KLHL14: variants seen among roughly 807,000 people sequenced by gnomAD.
KLHL14 encodes kelch-like protein 14.
In KLHL14, 22 loss-of-function variants were observed where a neutral mutation model predicts 64.3. That is an observed-to-expected ratio of 0.34 (90% CI 0.24 to 0.49). The LOEUF (loss-of-function observed/expected upper bound fraction) is 0.49, where lower values mean the gene tolerates loss of function less well. Among genes scored for constraint, KLHL14 ranks in the 20% least tolerant of loss-of-function variants. The probability of loss-of-function intolerance (pLI) is 0.99; values close to 1 mark genes in which losing one functional copy is unlikely to be tolerated. For missense variants in KLHL14, 661 were observed against 789.0 expected (o/e 0.84, Z 1.94); for synonymous variants, 322 against 333.4 (o/e 0.97, Z 0.37).
At chr18:32,697,293 A>C (rs7238067) in intron 3 of KLHL14, among the ~76,000 whole-genome samples, 3,465 of 152,298 alleles carry the variant, frequency 0.023, 132 homozygotes, top group African/African-American at 0.076. Context: ...TTTGGATCAT[A>C]ATGCTGGTTC....
chr18:32,720,111 G>A (rs1374370948), intron 3 of KLHL14, among the ~76,000 whole-genome samples: 1 of 152,236 alleles, frequency 6.6e-6, no homozygotes, highest in East Asian at 1.9e-4. Flanking sequence ...GGTGTCAGCA[G>A]GACATTTTAG....
intron 3 of KLHL14, among the ~76,000 whole-genome samples, chr18:32,736,232 T>A (rs79222108): frequency 0.013 from 1,904 of 152,268 alleles, 37 homozygotes; most frequent in African/African-American, 0.043. Context: ...CCACCACACA[T>A]ATTTTCTTAA....
At chr18:32,709,410 C>A (rs553726062) in intron 3 of KLHL14, among the ~76,000 whole-genome samples, 174 of 152,176 alleles carry the variant, frequency 1.1e-3, no homozygotes, top group African/African-American at 4.0e-3. Flanking sequence ...TGCTCCCTTA[C>A]CCTTCTTTTG....
intron 3 of KLHL14, among the ~76,000 whole-genome samples, chr18:32,731,849 G>C (rs1280412065): frequency 2.0e-5 from 3 of 152,074 alleles, no homozygotes; most frequent in African/African-American, 4.8e-5. Flanking sequence ...AAATATCTGA[G>C]GGAAATCAGA....
chr18:32,682,694 C>T (rs951887344), intron 5 of KLHL14, among the ~76,000 whole-genome samples: 1 of 152,174 alleles, frequency 6.6e-6, no homozygotes, highest in African/African-American at 2.4e-5. Context: ...TTTCCTCAAC[C>T]AGGCTTCAGT....
chr18:32,695,655 G>C (rs2049933207), intron 3 of KLHL14, 103 bp from the exon 4 acceptor site: 1 of 707,506 alleles, frequency 1.4e-6, no homozygotes, highest in African/African-American at 1.8e-5. Context: ...TAAAATGTGA[G>C]ACTGAGTCAG....
Position 32,769,706 on chromosome 18 carries a change from C to T in KLHL14, c.886G>A (p.Asp296Asn), listed in dbSNP as rs2050367254. 1 of 1,574,652 alleles carries T rather than the reference C, an allele frequency of 6.4e-7. No individual in the cohort carries two copies. Among genetic ancestry groups the T allele is most frequent in the Admixed American group, 1.7e-5 (1 of 57,792 alleles). The change falls in exon 2 of 9, where the codon GAC (aspartate) becomes AAC (asparagine). Residue 296 changes from aspartate (D) to asparagine (N), a missense_variant. Asp to Asn is a conservative substitution (Grantham distance 23, BLOSUM62 1). Around this residue, in one of 2 missense-constraint regions of KLHL14, gnomAD observed 330 missense variants for 450.0 expected, o/e 0.73. Coordinates refer to ENST00000359358, the MANE Select transcript of KLHL14 (RefSeq NM_020805.3). ...GGCATCAGGTGGTAGTTCATGGCGT[C>T]CAGCAGCAGCTTCTGGCAGACCGGG... ...TDPVCQKLLL[D>N]AMNYHLMPFR...
chr18:32,753,952 G>A (rs2050269276), intron 2 of KLHL14, among the ~76,000 whole-genome samples: 1 of 152,240 alleles, frequency 6.6e-6, no homozygotes, highest in Non-Finnish European at 1.5e-5. Context: ...ATCCCTGTGA[G>A]GAAGTTGCGT....
chr18:32,720,795 T>C (rs560464203), intron 3 of KLHL14, among the ~76,000 whole-genome samples: 1 of 152,254 alleles, frequency 6.6e-6, no homozygotes, highest in Admixed American at 6.5e-5. Flanking sequence ...ATGAAGGCCA[T>C]CTCACCAGTA....
intron 3 of KLHL14, among the ~76,000 whole-genome samples, chr18:32,720,206 A>C (rs7228647): frequency 0.29 from 44,772 of 152,040 alleles, 6,845 homozygotes; most frequent in African/African-American, 0.37. Flanking sequence ...GGCAGGTTTT[A>C]GGAGCCCTGC....
intron 2 of KLHL14, among the ~76,000 whole-genome samples, chr18:32,750,390 A>G (rs2050245366): frequency 6.6e-6 from 1 of 152,144 alleles, no homozygotes; most frequent in Non-Finnish European, 1.5e-5. Flanking sequence ...ATTATGTGTA[A>G]TTATTAACTT....
intron 8 of KLHL14, 25 bp from the exon 9 acceptor site, chr18:32,674,822 T>G: frequency 1.3e-6 from 1 of 776,110 alleles, no homozygotes; most frequent in South Asian, 1.3e-5. Context: ...GAGGGAGCAT[T>G]TAGAGAAGGA....
intron 7 of KLHL14, among the ~76,000 whole-genome samples, chr18:32,677,581 T>C (rs1255275107): frequency 6.6e-6 from 1 of 152,232 alleles, no homozygotes; most frequent in Non-Finnish European, 1.5e-5. Context: ...AGGTTGATTA[T>C]ATGTGGATAG....
chr18:32,736,458 A>C (rs557622782), intron 3 of KLHL14, among the ~76,000 whole-genome samples: 1 of 152,126 alleles, frequency 6.6e-6, no homozygotes, highest in Admixed American at 6.5e-5. Context: ...GAAACAAAAA[A>C]TTCCAAGCTA....
chr18:32,733,361 GAGAC>G (rs1369755583), intron 3 of KLHL14, among the ~76,000 whole-genome samples: 1 of 149,838 alleles, frequency 6.7e-6, no homozygotes, highest in Non-Finnish European at 1.5e-5. Flanking sequence ...GTGTGTGAGA[GAGAC>G]AGAGAGAGAG....
chr18:32,686,264 C>T (rs989202849), intron 5 of KLHL14, among the ~76,000 whole-genome samples: 36 of 144,012 alleles, frequency 2.5e-4, no homozygotes, highest in African/African-American at 7.8e-4. Flanking sequence ...CTCCTGGCTT[C>T]GTGATCCACC....
chr18:32,719,046 T>C (rs1048838607), intron 3 of KLHL14, among the ~76,000 whole-genome samples: 16 of 152,214 alleles, frequency 1.1e-4, no homozygotes, highest in Non-Finnish European at 1.9e-4. Flanking sequence ...CCTCCCGAGT[T>C]CAAGTGATTC....
chr18:32,727,806 T>C (rs1405048295), intron 3 of KLHL14, among the ~76,000 whole-genome samples: 1 of 152,204 alleles, frequency 6.6e-6, no homozygotes, highest in African/African-American at 2.4e-5. Flanking sequence ...AAAACAAAGA[T>C]CTGAGATTTA....
chr18:32,768,083 A>G (rs1390379130), intron 2 of KLHL14, among the ~76,000 whole-genome samples: 1 of 152,204 alleles, frequency 6.6e-6, no homozygotes, highest in Non-Finnish European at 1.5e-5. Context: ...CAAACGAAAA[A>G]TTCCAATAAA....
Sources: gnomAD v4.1 joint callset for allele counts (sites outside exome capture counted in the v4.1 genomes callset) on GRCh38, gnomAD v4.1.1 for gene constraint, gnomAD v4.1.1 regional missense constraint, MANE v1.5 for transcripts, NCBI Gene and HGNC (gene_info 2026-07-23, HGNC 2026-07-21) for gene names.